The following ARID1B variants were observed in gnomAD, a reference collection of about 807,000 sequenced individuals.
ARID1B encodes AT-rich interactive domain-containing protein 1B.
A neutral mutation model predicts 212.3 loss-of-function variants in ARID1B; 30 were observed. The ratio of observed to expected loss-of-function variants is 0.14; its 90% confidence interval spans 0.11 to 0.19. The LOEUF is 0.19. Among genes scored for constraint, ARID1B ranks in the 10% least tolerant of loss-of-function variants. ARID1B has a pLI of 1.00. For missense variants in ARID1B, 2,891 were observed against 3,204.0 expected, an observed-to-expected ratio of 0.90 and a Z score of 2.36; for synonymous variants, 1,402 against 1,301.7, an observed-to-expected ratio of 1.08 and a Z score of -1.66.
chr6:156,976,982 C>G, intron 4 of ARID1B: 1 of 525,698 alleles, frequency 1.9e-6, no homozygotes. Context: ...AGTTTGGTTT[C>G]ATTGCACTGA....
intron 2 of ARID1B, among the ~76,000 whole-genome samples, chr6:156,897,235 T>C (rs1389710635): frequency 1.1e-5 from 1 of 95,014 alleles, no homozygotes; most frequent in Non-Finnish European, 2.1e-5. Context: ...CTTCTTCTTC[T>C]TCTTCTTCTT....
At chr6:157,205,963 G>A (rs558849545) in intron 19 of ARID1B, 10 of 618,632 alleles carry the variant, frequency 1.6e-5, no homozygotes, top group African/African-American at 1.3e-4. Flanking sequence ...GCTAAACATC[G>A]GTTTAGTTTA....
At chr6:157,012,757 C>T (rs1029107993) in intron 4 of ARID1B, among the ~76,000 whole-genome samples, 6 of 152,144 alleles carry the variant, frequency 3.9e-5, no homozygotes, top group African/African-American at 1.2e-4. Context: ...ATCCAGTGTT[C>T]GTTTCAGATC....
intron 2 of ARID1B, among the ~76,000 whole-genome samples, chr6:156,870,850 A>C (rs1167405240): frequency 6.6e-6 from 1 of 152,210 alleles, no homozygotes; most frequent in African/African-American, 2.4e-5. Context: ...CAGAACTAGA[A>C]TATTTTACCA....
chr6:156,906,013 T>C (rs770944085), intron 3 of ARID1B, among the ~76,000 whole-genome samples: 1 of 152,064 alleles, frequency 6.6e-6, no homozygotes, highest in Non-Finnish European at 1.5e-5. Context: ...GATGTGTTTG[T>C]TTAGCTTAGG....
rs1006460234 is a variant in ARID1B at position 156,852,099 on chromosome 6, A to C, written c.1986+22678A>C. 3.3e-5 allele frequency among the ~76,000 whole-genome samples: 5 copies of C among 152,268 alleles called. No homozygotes were observed. The South Asian group carries it at 1.0e-3, about 32-fold the overall frequency. On this transcript the variant is annotated intron_variant, in intron 2 of 19. Transcript: ENST00000636930. ...GAATCAGAATATTTTGTTCAATTGT[A>C]ATAGCCTTCACAAATTTAGTTTGTT...
intron 6 of ARID1B, among the ~76,000 whole-genome samples, chr6:157,129,956 G>A (rs1788423556): frequency 6.6e-6 from 1 of 152,126 alleles, no homozygotes; most frequent in Non-Finnish European, 1.5e-5. Flanking sequence ...ATCATTTGAG[G>A]TCAGGCGTTC....
chr6:157,174,149 G>A (rs1209140158), intron 10 of ARID1B, 32 bp downstream of exon 10: 4 of 1,594,620 alleles, frequency 2.5e-6, no homozygotes, highest in Admixed American at 1.7e-5. Flanking sequence ...GCGGTGTGAG[G>A]TCTGCCTAGC....
intron 4 of ARID1B, among the ~76,000 whole-genome samples, chr6:156,996,975 G>A (rs1227163143): frequency 1.3e-5 from 2 of 152,172 alleles, no homozygotes; most frequent in African/African-American, 2.4e-5. Flanking sequence ...AAAAAAACGT[G>A]TGTTATTCAT....
intron 4 of ARID1B, among the ~76,000 whole-genome samples, chr6:157,020,835 C>T (rs1334432319): frequency 6.6e-6 from 1 of 152,162 alleles, no homozygotes; most frequent in Non-Finnish European, 1.5e-5. Context: ...TACGTGGTTT[C>T]TTTGGCTGAT....
intron 3 of ARID1B, among the ~76,000 whole-genome samples, chr6:156,905,246 G>GCATGCACACACACACACA (rs1554265907): frequency 2.6e-5 from 2 of 76,004 alleles, no homozygotes; most frequent in African/African-American, 1.6e-4. Flanking sequence ...GCTCACATAT[G>GCATGCACACACACACACA]CACGCACACA....
At chr6:157,184,503 G>A (rs2128326607) in intron 13 of ARID1B, 68 bp downstream of exon 13, 5 of 1,582,516 alleles carry the variant, frequency 3.2e-6, no homozygotes, top group Non-Finnish European at 4.3e-6. Flanking sequence ...GTTCCGGGAA[G>A]GTGGTTTCAC....
intron 13 of ARID1B, 40 bp downstream of exon 13, chr6:157,184,475 A>C: frequency 6.2e-7 from 1 of 1,611,570 alleles, no homozygotes; most frequent in East Asian, 2.2e-5. Flanking sequence ...AGGAAAGCCC[A>C]GGCGCCTGGC....
chr6:156,965,035 G>T (rs146606038), intron 4 of ARID1B, among the ~76,000 whole-genome samples: 215 of 152,314 alleles, frequency 1.4e-3, no homozygotes, highest in African/African-American at 5.0e-3. Context: ...ATATTTCATA[G>T]AGTTACTTTG....
chr6:156,806,687 C>G (rs1171541021), intron 1 of ARID1B, among the ~76,000 whole-genome samples: 1 of 152,182 alleles, frequency 6.6e-6, no homozygotes, highest in South Asian at 2.1e-4. Context: ...TGACCCAAAT[C>G]TGAGCTTTTG....
intron 4 of ARID1B, among the ~76,000 whole-genome samples, chr6:156,970,731 C>T (rs886092367): frequency 6.6e-6 from 1 of 152,226 alleles, no homozygotes; most frequent in African/African-American, 2.4e-5. Flanking sequence ...CAATCTCTTA[C>T]CTGCTCTGCA....
intron 5 of ARID1B, among the ~76,000 whole-genome samples, chr6:157,095,274 C>T (rs1368082269): frequency 6.6e-6 from 1 of 152,206 alleles, no homozygotes; most frequent in East Asian, 1.9e-4. Context: ...ACACAACATG[C>T]CTGGGAAAGG....
chr6:157,205,203 A>G (rs530524634), intron 19 of ARID1B: 1 of 152,234 alleles, frequency 6.6e-6, no homozygotes, highest in South Asian at 2.1e-4. Context: ...AGTTCTTTCT[A>G]GTTGGTGCTG....
chr6:156,780,851 T>G (rs1779208527), intron 1 of ARID1B, among the ~76,000 whole-genome samples: 1 of 152,248 alleles, frequency 6.6e-6, no homozygotes, highest in Admixed American at 6.5e-5. Context: ...AGGCTGAGGA[T>G]AAGGCCATTG....
Sources: allele counts gnomAD v4.1 joint callset (sites outside exome capture counted in the v4.1 genomes callset), GRCh38; gene constraint gnomAD v4.1.1; transcripts MANE v1.5; gene names NCBI Gene and HGNC (gene_info 2026-07-23, HGNC 2026-07-21).